Variants in HABP2 observed in about 807,000 individuals in gnomAD.
The protein encoded by HABP2 is hyaluronan binding protein 2.
A neutral mutation model predicts 66.5 loss-of-function variants in HABP2; 65 were observed. That is an observed-to-expected ratio of 0.98 (90% confidence interval 0.80 to 1.20). The LOEUF is 1.20. HABP2 is among the 50% of genes most tolerant of loss of function. The pLI is 0.00. For synonymous variants in HABP2, 263 were observed against 253.9 expected, an observed-to-expected ratio of 1.04 and a Z score of -0.34; for missense variants, 786 against 691.0, an observed-to-expected ratio of 1.14 and a Z score of -1.54.
chr10:113,577,004 T>A, intron 4 of HABP2, 146 bp from the exon 5 acceptor site: 1 of 626,848 alleles, frequency 1.6e-6, no homozygotes, highest in Non-Finnish European at 2.9e-6. Flanking sequence ...GACAGAAGCC[T>A]TGTCCTGGCA....
intron 11 of HABP2, among the ~76,000 whole-genome samples, chr10:113,585,435 C>T (rs1289253783): frequency 6.6e-6 from 1 of 152,202 alleles, no homozygotes; most frequent in African/African-American, 2.4e-5. Flanking sequence ...GCGCAGGGCA[C>T]TTCATCCATC....
At chr10:113,585,684 T>G in intron 11 of HABP2, 109 bp from the exon 12 acceptor site, 1 of 819,158 alleles carries the variant, frequency 1.2e-6, no homozygotes. Context: ...AACCCTTCCC[T>G]TCTGAGCTAA....
At chr10:113,562,595 C>T (rs914074254) in intron 1 of HABP2, among the ~76,000 whole-genome samples, 2 of 152,152 alleles carry the variant, frequency 1.3e-5, no homozygotes, top group Non-Finnish European at 2.9e-5. Context: ...CAGGCTCCTG[C>T]CCTCACGCCT....
At chr10:113,570,849 G>T (rs1209626647) in intron 2 of HABP2, among the ~76,000 whole-genome samples, 2 of 152,210 alleles carry the variant, frequency 1.3e-5, no homozygotes. Context: ...TTTGTGCTGG[G>T]CACTCTGGGG....
At chr10:113,560,977 T>C (rs181863118) in intron 1 of HABP2, among the ~76,000 whole-genome samples, 24 of 152,348 alleles carry the variant, frequency 1.6e-4, no homozygotes, top group Non-Finnish European at 3.1e-4. Flanking sequence ...ATGTAATTAG[T>C]ATCACTGAAA....
intron 1 of HABP2, among the ~76,000 whole-genome samples, chr10:113,554,644 G>C (rs1289604787): frequency 6.6e-6 from 1 of 152,210 alleles, no homozygotes; most frequent in Non-Finnish European, 1.5e-5. Flanking sequence ...AAAGGCAGGA[G>C]AAATCATCGG....
intron 2 of HABP2, among the ~76,000 whole-genome samples, 155 bp from the exon 3 acceptor site, chr10:113,574,134 C>T (rs1286413780): frequency 2.0e-5 from 3 of 152,206 alleles, no homozygotes; most frequent in Non-Finnish European, 2.9e-5. Flanking sequence ...CTGAGCCCTC[C>T]TTTCCACTCC....
intron 6 of HABP2, 119 bp downstream of exon 6, chr10:113,578,264 C>G (rs1845450682): frequency 5.5e-6 from 6 of 1,086,640 alleles, no homozygotes; most frequent in Non-Finnish European, 8.2e-6. Flanking sequence ...ATTGCCTCAG[C>G]CTTCTCACCT....
At chr10:113,565,174 A>G (rs1035709730) in intron 1 of HABP2, among the ~76,000 whole-genome samples, 3 of 152,214 alleles carry the variant, frequency 2.0e-5, no homozygotes, top group African/African-American at 4.8e-5. Flanking sequence ...ACATTTTCCT[A>G]CAGAACTACA....
Position 113,553,190 on chromosome 10 carries a change from G to A in HABP2, c.69G>A (p.Gly23=), listed in dbSNP as rs755173215. The A allele has an allele frequency of 1.9e-5, 30 of 1,605,686 alleles. No individual in the cohort carries two copies. Among genetic ancestry groups the A allele is most frequent in the Non-Finnish European group, 2.5e-5 (29 of 1,172,394 alleles). Residue 23 remains glycine, a splice_region_variant and synonymous_variant, in exon 1 of 13, where the codon GGG becomes GGA. Transcript: ENST00000351270. ...CTCTGGTGGGAAAGACAGCCTGTGGGGTAAGTGTTCTTTTCTAATATTTGT... is the reference window on the plus strand; with the variant it reads ...CTCTGGTGGGAAAGACAGCCTGTGGAGTAAGTGTTCTTTTCTAATATTTGT... The part of the protein sequence containing the change: ...LMALVGKTAC[G]FSLMSLLESL...
At chr10:113,577,901 C>G (rs1845441150) in intron 5 of HABP2, 125 bp from the exon 6 acceptor site, 5 of 1,068,472 alleles carry the variant, frequency 4.7e-6, no homozygotes, top group Non-Finnish European at 5.5e-6. Flanking sequence ...TCTTTCCCAT[C>G]TGGTGACCCA....
intron 1 of HABP2, among the ~76,000 whole-genome samples, chr10:113,559,966 C>T (rs1845071691): frequency 6.6e-6 from 1 of 152,230 alleles, no homozygotes; most frequent in African/African-American, 2.4e-5. Context: ...CATGTCCTTA[C>T]ACAAGCCACT....
At chr10:113,581,011 G>T (rs1038204564) in intron 8 of HABP2, among the ~76,000 whole-genome samples, 1 of 152,208 alleles carries the variant, frequency 6.6e-6, no homozygotes, top group African/African-American at 2.4e-5. Context: ...GTGTGCAATG[G>T]TGATCAAACT....
chr10:113,575,844 C>T (rs548154423), intron 3 of HABP2, 53 bp from the exon 4 acceptor site: 127 of 974,328 alleles, frequency 1.3e-4, no homozygotes, highest in East Asian at 6.5e-4. Flanking sequence ...TGGAGGGGGG[C>T]GCTTCTCACC....
At chr10:113,551,313 C>T (rs1844894022), upstream of HABP2, among the ~76,000 whole-genome samples, 1 of 152,286 alleles carries the variant, frequency 6.6e-6, no homozygotes, top group South Asian at 2.1e-4. Flanking sequence ...ACATTACAAC[C>T]TCATAAATGC....
intron 12 of HABP2, 134 bp from the exon 13 acceptor site, chr10:113,588,071 G>A (rs1456327300): frequency 1.1e-5 from 7 of 610,662 alleles, no homozygotes; most frequent in African/African-American, 1.8e-5. Context: ...CCTTGTCACT[G>A]CTTTCCAGAG....
intron 9 of HABP2, among the ~76,000 whole-genome samples, 162 bp downstream of exon 9, chr10:113,582,293 A>G (rs796347969): frequency 9.2e-5 from 14 of 152,318 alleles, no homozygotes; most frequent in African/African-American, 3.1e-4. Flanking sequence ...AATAGCTACC[A>G]TGTCTGGAAT....
upstream of HABP2, chr10:113,551,081 T>C (rs888591297): frequency 1.3e-5 from 2 of 152,260 alleles, no homozygotes; most frequent in Non-Finnish European, 2.9e-5. Flanking sequence ...TTGGCTATGC[T>C]ATCTAAGGCA....
chr10:113,564,668 G>A (rs1450526549), intron 1 of HABP2, among the ~76,000 whole-genome samples: 1 of 152,180 alleles, frequency 6.6e-6, no homozygotes, highest in Non-Finnish European at 1.5e-5. Flanking sequence ...TAAACCTACA[G>A]AAAAGTGGGA....
Sources: gnomAD v4.1 joint callset for allele counts (sites outside exome capture counted in the v4.1 genomes callset) on GRCh38, gnomAD v4.1.1 for gene constraint, MANE v1.5 for transcripts, NCBI Gene and HGNC (gene_info 2026-07-23, HGNC 2026-07-21) for gene names.